The following TRPC5 variants were observed in gnomAD, a reference collection of about 807,000 sequenced individuals.
TRPC5 encodes the protein short transient receptor potential channel 5.
In TRPC5, 9 loss-of-function variants were observed where a neutral mutation model predicts 56.5. The observed-to-expected ratio is 0.16, with a 90% confidence interval of 0.10 to 0.28. The LOEUF (loss-of-function observed/expected upper bound fraction) is 0.28. Among genes scored for constraint, TRPC5 ranks in the 10% least tolerant of loss-of-function variants. The probability of loss-of-function intolerance (pLI) is 1.00; values close to 1 mark genes in which losing one functional copy is unlikely to be tolerated. For synonymous variants in TRPC5, 282 were observed against 278.5 expected (o/e 1.01, Z -0.13); for missense variants, 469 against 748.9 (o/e 0.63, Z 4.36).
intron 1 of TRPC5, among the ~76,000 whole-genome samples, chrX:111,969,512 T>C (rs181136637): frequency 8.9e-6 from 1 of 112,139 alleles, no homozygotes; most frequent in African/African-American, 3.2e-5. Context: ...GATATCAGTG[T>C]CTATAGCATT....
Position 111,772,303 on chromosome X carries a change from G to T in TRPC5, c.*4010C>A, listed in dbSNP as rs1182236965. Among the ~76,000 whole-genome samples the T allele has an allele frequency of 8.9e-6, 1 of 111,960 alleles. No homozygotes were observed. The highest frequency in any genetic ancestry group is 3.2e-5 in the African/African-American group (1 of 30,787). On this transcript the variant is annotated 3_prime_UTR_variant, in exon 11 of 11. Coordinates refer to ENST00000262839, the MANE Select transcript of TRPC5 (RefSeq NM_012471.3). ...GCAAAGCTGCAGGGATTGAAGGTAG[G>T]GCTGTGAAGTAGGTATGAAGAGGTT...
chrX:111,854,036 C>T lies in TRPC5; in HGVS notation c.971G>A (p.Arg324Gln), dbSNP rs1876701894. The T allele has an allele frequency of 1.7e-6, 2 of 1,209,622 alleles. No individual in the cohort carries two copies. Among genetic ancestry groups the T allele is most frequent in the South Asian group, 1.8e-5 (1 of 56,697 alleles). ...LWYDGFPGWRRKHWVVKLLTC... is the reference protein window; with the variant it reads ...LWYDGFPGWRQKHWVVKLLTC... Reference sequence around the variant, plus strand: ...TAGAAGCTTGACTACCCAGTGTTTCCGCCGCCATCCAGGGAAGCCATCATA... The same window carrying T: ...TAGAAGCTTGACTACCCAGTGTTTCTGCCGCCATCCAGGGAAGCCATCATA... Residue 324 changes from arginine to glutamine, a missense_variant, in exon 4 of 11, where the codon CGG becomes CAG. Transcript: ENST00000262839.
At chrX:111,921,485 G>T (rs16986695) in intron 2 of TRPC5, among the ~76,000 whole-genome samples, 1,870 of 108,571 alleles carry the variant, frequency 0.017, 35 homozygotes, top group African/African-American at 0.06. Flanking sequence ...CAGCCATTTT[G>T]TGTTCAGATT....
intron 1 of TRPC5, among the ~76,000 whole-genome samples, chrX:111,999,396 G>A (rs112575202): frequency 0.077 from 8,495 of 110,605 alleles, 659 homozygotes; most frequent in African/African-American, 0.23. Flanking sequence ...GGCTTATTTC[G>A]CTTAACATAA....
At chrX:112,077,299 T>C (rs1210846895) in intron 1 of TRPC5, among the ~76,000 whole-genome samples, 4 of 112,160 alleles carry the variant, frequency 3.6e-5, no homozygotes, top group Non-Finnish European at 7.5e-5. Context: ...TGAAGGGTTT[T>C]ACAGTGAATA....
At chrX:112,016,643 C>T (rs909868738) in intron 1 of TRPC5, among the ~76,000 whole-genome samples, 6 of 111,511 alleles carry the variant, frequency 5.4e-5, no homozygotes, top group East Asian at 2.8e-4. Flanking sequence ...CCTGAGGGCT[C>T]GGTCGAACTT....
intron 1 of TRPC5, among the ~76,000 whole-genome samples, chrX:112,035,238 A>G (rs1929703574): frequency 9.0e-6 from 1 of 110,671 alleles, no homozygotes; most frequent in East Asian, 2.8e-4. Context: ...AAAACTGGAT[A>G]TTTGAATATT....
chrX:112,018,190 A>G (rs1485716073), intron 1 of TRPC5, among the ~76,000 whole-genome samples: 2 of 112,576 alleles, frequency 1.8e-5, no homozygotes, highest in Non-Finnish European at 3.7e-5. Flanking sequence ...ACACTGCACT[A>G]GACTGTCAGC....
intron 2 of TRPC5, among the ~76,000 whole-genome samples, chrX:111,919,732 A>G (rs1487781494): frequency 8.9e-6 from 1 of 112,049 alleles, no homozygotes; most frequent in African/African-American, 3.2e-5. Context: ...TCCCTGGCCC[A>G]CATTGAAAGA....
chrX:111,994,432 C>T (rs2148657360), intron 1 of TRPC5, among the ~76,000 whole-genome samples: 1 of 111,318 alleles, frequency 9.0e-6, no homozygotes, highest in South Asian at 3.8e-4. Context: ...TTTTCCAATT[C>T]TGTGAAGAAA....
chrX:112,057,032 GATCT>G (rs1930356964), intron 1 of TRPC5, among the ~76,000 whole-genome samples: 1 of 112,463 alleles, frequency 8.9e-6, no homozygotes, highest in East Asian at 2.8e-4. Context: ...AGCAGCTGAA[GATCT>G]GTAAACACTG....
At chrX:111,956,630 A>ATGGGGTTGTTGATTTTGAGAGCATT (rs1927244152) in intron 1 of TRPC5, among the ~76,000 whole-genome samples, 1 of 111,291 alleles carries the variant, frequency 9.0e-6, no homozygotes, top group South Asian at 3.8e-4. Flanking sequence ...TGGGAAAGTT[A>ATGGGGTTGTTGATTTTGAGAGCATT]TGGGGTTGTT....
intron 1 of TRPC5, among the ~76,000 whole-genome samples, chrX:111,994,685 C>T (rs866081239): frequency 3.6e-5 from 4 of 111,277 alleles, no homozygotes; most frequent in Non-Finnish European, 7.5e-5. Context: ...GGAGTTCACT[C>T]ACGATTTGGC....
At chrX:111,856,259 C>T (rs190343713) in intron 3 of TRPC5, among the ~76,000 whole-genome samples, 66 of 110,536 alleles carry the variant, frequency 6.0e-4, no homozygotes, top group African/African-American at 2.0e-3. Flanking sequence ...AGTATGGACT[C>T]AGCTGGGCAC....
At chrX:111,813,240 A>G (rs1489786696) in intron 7 of TRPC5, among the ~76,000 whole-genome samples, 1 of 112,241 alleles carries the variant, frequency 8.9e-6, no homozygotes, top group African/African-American at 3.2e-5. Flanking sequence ...GTGCGGCTAT[A>G]ATGTGCACCT....
chrX:111,862,153 C>T (rs1282407327), intron 3 of TRPC5, among the ~76,000 whole-genome samples: 4 of 111,305 alleles, frequency 3.6e-5, no homozygotes, highest in Non-Finnish European at 3.8e-5. Flanking sequence ...GTTAGAGCTT[C>T]GGCATGGGAA....
rs985643169 is a variant in TRPC5, at chrX:111,775,554, C to G, written c.*759G>C. Reference sequence around the variant, plus strand: ...ACTAATTTTGATACTATCAAATTTTCAAATGTAGTAAGTTAACTGAAACAC... The same window carrying G: ...ACTAATTTTGATACTATCAAATTTTGAAATGTAGTAAGTTAACTGAAACAC... On this transcript the variant is annotated 3_prime_UTR_variant, in exon 11 of 11. Transcript: ENST00000262839. 1 of 111,267 alleles carries G rather than the reference C, an allele frequency of 9.0e-6. No individual in the cohort carries two copies. Among genetic ancestry groups the G allele is most frequent in the Non-Finnish European group, 1.9e-5 (1 of 53,182 alleles). 9.2% of individuals were successfully genotyped at this position (111,267 alleles called of 1,213,427 possible).
intron 1 of TRPC5, among the ~76,000 whole-genome samples, chrX:111,995,303 T>C (rs1345810207): frequency 8.9e-6 from 1 of 111,949 alleles, no homozygotes; most frequent in Non-Finnish European, 1.9e-5. Context: ...CCTTGCATCC[T>C]AGGGATGAAG....
chrX:111,865,561 C>T (rs1427660474), intron 3 of TRPC5, among the ~76,000 whole-genome samples: 18 of 108,594 alleles, frequency 1.7e-4, no homozygotes, highest in Admixed American at 1.4e-3. Context: ...CTCTTGCCCT[C>T]GTGATCTGCC....
Sources: gnomAD v4.1 joint callset for allele counts (sites outside exome capture counted in the v4.1 genomes callset) on GRCh38, gnomAD v4.1.1 for gene constraint, MANE v1.5 for transcripts, NCBI Gene and HGNC (gene_info 2026-07-23, HGNC 2026-07-21) for gene names.